RBM19: variants seen among roughly 807,000 people sequenced by gnomAD.
The protein encoded by RBM19 is RNA binding motif protein 19, also known as probable RNA-binding protein 19.
In RBM19, 94 loss-of-function variants were observed where a neutral mutation model predicts 116.8. That is an observed-to-expected ratio of 0.80 (90% CI 0.68 to 0.95). The LOEUF (loss-of-function observed/expected upper bound fraction) is 0.95. RBM19 is among the 40% of genes least tolerant of loss of function. The pLI, the probability that RBM19 is intolerant of heterozygous loss-of-function variation, is 0.00. For missense variants in RBM19, 1,161 were observed against 1,220.7 expected (o/e 0.95, Z 0.73); for synonymous variants, 475 against 494.1 (o/e 0.96, Z 0.51).
intron 21 of RBM19, among the ~76,000 whole-genome samples, chr12:113,894,038 G>A (rs745990293): frequency 8.5e-5 from 13 of 152,150 alleles, no homozygotes; most frequent in Non-Finnish European, 1.6e-4. Context: ...CCTTTTCCTG[G>A]TCTGCACCAC....
intron 21 of RBM19, among the ~76,000 whole-genome samples, chr12:113,886,667 G>GTTTTGTTTTTGC (rs1456933691): frequency 2.1e-5 from 3 of 144,044 alleles, no homozygotes; most frequent in Non-Finnish European, 4.6e-5. Flanking sequence ...ATGCGGTTTT[G>GTTTTGTTTTTGC]TTTTGTTTTT....
rs529666405 is a variant in RBM19 at position 113,842,656 on chromosome 12, G to A, written c.2785+2012C>T. On this transcript the variant is annotated intron_variant, in intron 23 of 23. Transcript: ENST00000261741. ...ACGGGTCCAGAGAGGATAACAAATCGTAAAGAAATAAGTTACAACGTGGCA... is the reference window on the plus strand; with the variant it reads ...ACGGGTCCAGAGAGGATAACAAATCATAAAGAAATAAGTTACAACGTGGCA... 3.9e-5 allele frequency among the ~76,000 whole-genome samples: 6 copies of A among 152,304 alleles called. No homozygotes were observed. In the South Asian group the frequency reaches 6.2e-4, roughly 16 times the overall value.
rs1878133996 is a variant in RBM19 at position 113,858,830 on chromosome 12, G to A, written c.2625C>T (p.Gly875=). Residue 875 remains glycine (G), a synonymous_variant, in exon 22 of 24, where the codon GGC becomes GGT. Transcript: ENST00000261741. The stretch of plus-strand genomic sequence containing the variant: ...TGGTGAGGAAGTCCACAAAGCCGAA[G>A]CCTCTGTGTGTGCCTGTCCCAGTCA... The part of the protein sequence containing the change: ...KKMTGTGTHR[G]FGFVDFLTKQ... 6.2e-7 allele frequency: 1 copy of A among 1,614,170 alleles called. No individual in the cohort carries two copies. Among genetic ancestry groups the A allele is most frequent in the Non-Finnish European group, 8.5e-7 (1 of 1,180,034 alleles).
intron 21 of RBM19, among the ~76,000 whole-genome samples, chr12:113,871,674 G>A (rs1248784913): frequency 6.6e-6 from 1 of 152,218 alleles, no homozygotes. Context: ...CACTGGAAAA[G>A]CACAGCAGTC....
At chr12:113,943,370 A>C (rs1237567121) in intron 13 of RBM19, among the ~76,000 whole-genome samples, 1 of 152,050 alleles carries the variant, frequency 6.6e-6, no homozygotes, top group African/African-American at 2.4e-5. Context: ...GTGCCATCCA[A>C]CACAGTGCCA....
intron 21 of RBM19, among the ~76,000 whole-genome samples, chr12:113,873,856 T>G (rs1200325792): frequency 1.3e-5 from 2 of 151,334 alleles, no homozygotes; most frequent in Admixed American, 6.6e-5. Context: ...ATGGTGCGGG[T>G]GATGAGCTGA....
chr12:113,860,172 G>C (rs971345300), intron 21 of RBM19, among the ~76,000 whole-genome samples: 1 of 152,240 alleles, frequency 6.6e-6, no homozygotes, highest in African/African-American at 2.4e-5. Flanking sequence ...AGCCTCCCGG[G>C]GAGGGGAAGG....
At chr12:113,858,766 G>A (rs555333596) in intron 22 of RBM19, 25 bp downstream of exon 22, 103 of 1,608,064 alleles carry the variant, frequency 6.4e-5, no homozygotes, top group African/African-American at 4.7e-4. Flanking sequence ...GCCTGGACAG[G>A]TGGGGAAGGG....
intron 23 of RBM19, among the ~76,000 whole-genome samples, chr12:113,834,918 C>T (rs1388828556): frequency 6.6e-6 from 1 of 152,224 alleles, no homozygotes; most frequent in African/African-American, 2.4e-5. Flanking sequence ...GTAAAACCAC[C>T]TGATATCACT....
intron 20 of RBM19, among the ~76,000 whole-genome samples, chr12:113,917,753 C>T (rs970072683): frequency 4.6e-5 from 7 of 152,178 alleles, no homozygotes; most frequent in Admixed American, 1.3e-4. Context: ...TAATGGCTTA[C>T]GCTGGGCACC....
At chr12:113,872,130 G>A (rs1270115232) in intron 21 of RBM19, among the ~76,000 whole-genome samples, 3 of 148,908 alleles carry the variant, frequency 2.0e-5, no homozygotes, top group Middle Eastern at 3.4e-3. Flanking sequence ...GAGCGTCTCT[G>A]CCCGGCCGCC....
intron 23 of RBM19, among the ~76,000 whole-genome samples, chr12:113,832,728 CT>C (rs1377454414): frequency 2.0e-5 from 3 of 152,206 alleles, no homozygotes; most frequent in African/African-American, 4.8e-5. Flanking sequence ...CAGAAAACCT[CT>C]GTCTCCAGGT....
chr12:113,944,506 T>C (rs926802373), intron 13 of RBM19, among the ~76,000 whole-genome samples: 1 of 152,112 alleles, frequency 6.6e-6, no homozygotes, highest in Non-Finnish European at 1.5e-5. Context: ...TTGTACTTCA[T>C]ATATATAAAA....
intron 23 of RBM19, among the ~76,000 whole-genome samples, chr12:113,827,056 T>G (rs1874928450): frequency 6.6e-6 from 1 of 152,184 alleles, no homozygotes; most frequent in Admixed American, 6.5e-5. Flanking sequence ...CACCTCCCGC[T>G]GGCCCTGCTT....
chr12:113,896,297 G>A (rs1881318729), intron 21 of RBM19, among the ~76,000 whole-genome samples: 1 of 152,172 alleles, frequency 6.6e-6, no homozygotes, highest in South Asian at 2.1e-4. Context: ...CCCAGAGCAG[G>A]GAAAACCAGG....
intron 19 of RBM19, 79 bp from the exon 20 acceptor site, chr12:113,918,526 G>GC (rs1419751267): frequency 6.8e-7 from 1 of 1,469,344 alleles, no homozygotes; most frequent in Non-Finnish European, 9.5e-7. Context: ...CCAGAGCAGA[G>GC]CCCTGGCTCG....
At chr12:113,933,209 C>T (rs993537472) in intron 16 of RBM19, among the ~76,000 whole-genome samples, 2 of 151,976 alleles carry the variant, frequency 1.3e-5, no homozygotes, top group Non-Finnish European at 2.9e-5. Flanking sequence ...GGTATGTCCA[C>T]TCCCCTCCTA....
At chr12:113,852,145 C>G (rs1877511210) in intron 22 of RBM19, among the ~76,000 whole-genome samples, 1 of 152,162 alleles carries the variant, frequency 6.6e-6, no homozygotes, top group South Asian at 2.1e-4. Flanking sequence ...TACGGCCTGC[C>G]TGATAAATCT....
chr12:113,861,474 C>CTGTGTG (rs57704604), intron 21 of RBM19, among the ~76,000 whole-genome samples: 7,555 of 126,362 alleles, frequency 0.06, 307 homozygotes, highest in African/African-American at 0.11. Flanking sequence ...AAGCCAGACT[C>CTGTGTG]TGTGTGTGTG....
Sources: allele counts gnomAD v4.1 joint callset (sites outside exome capture counted in the v4.1 genomes callset), GRCh38; gene constraint gnomAD v4.1.1; transcripts MANE v1.5; gene names NCBI Gene and HGNC (gene_info 2026-07-23, HGNC 2026-07-21).